The following SMARCAL1 variants were observed in gnomAD, a reference collection of about 807,000 sequenced individuals.
SMARCAL1 encodes SNF2 related chromatin remodeling annealing helicase 1, also known as ATP-driven annealing helicase.
In SMARCAL1, 58 loss-of-function variants were observed where a neutral mutation model predicts 94.5. That is an observed-to-expected ratio of 0.61 (90% CI 0.50 to 0.76). The LOEUF is 0.76. SMARCAL1 is among the 30% of genes least tolerant of loss of function. The pLI is 0.00. For synonymous variants in SMARCAL1, 422 were observed against 455.1 expected, an observed-to-expected ratio of 0.93 and a Z score of 0.93; for missense variants, 1,051 against 1,177.9, an observed-to-expected ratio of 0.89 and a Z score of 1.58.
At position 216,482,820 on chromosome 2, in the gene SMARCAL1, C is replaced by T; in HGVS notation, c.2708C>T (p.Ala903Val). The stretch of plus-strand genomic sequence containing the variant: ...AGTGATATGGAGCTCCTGGAAGCAG[C>T]AGAGTCCTTTGACCCAGGAAGTGCT... The part of the protein sequence containing the change: ...EGSDMELLEA[A>V]ESFDPGSASG... Residue 903 changes from alanine (A) to valine (V), a missense_variant, in exon 18 of 18, where the codon GCA (alanine) becomes GTA (valine). Ala to Val is a moderately conservative substitution (Grantham distance 64). Transcript: ENST00000357276. This position sits in a 1 kb window ranked among gnomAD's most constrained non-coding sequence, Gnocchi z 4.3. 1 of 1,614,160 alleles carries T rather than the reference C, an allele frequency of 6.2e-7. No homozygotes were observed. Among genetic ancestry groups the T allele is most frequent in the Non-Finnish European group, 8.5e-7 (1 of 1,180,018 alleles).
intron 14 of SMARCAL1, among the ~76,000 whole-genome samples, chr2:216,472,332 G>A (rs1031882318): frequency 5.3e-5 from 8 of 152,088 alleles, no homozygotes; most frequent in African/African-American, 1.9e-4. Context: ...TGCAGCCTGG[G>A]TGAGAGACAA....
At chr2:216,471,356 A>ATTT (rs200528251) in intron 14 of SMARCAL1, among the ~76,000 whole-genome samples, 1 of 143,236 alleles carries the variant, frequency 7.0e-6, no homozygotes, top group African/African-American at 2.6e-5. Flanking sequence ...CAGTGATTAA[A>ATTT]TTTTTTTTTT....
rs1695045487 is a variant in SMARCAL1, at chr2:216,475,248, T to G, written c.2245-21T>G. The G allele has an allele frequency of 6.2e-7, 1 of 1,613,720 alleles. No homozygotes were observed. The highest frequency in any genetic ancestry group is 1.3e-5 in the African/African-American group (1 of 74,942). On this transcript the variant is annotated intron_variant, in intron 14 of 17. Coordinates refer to ENST00000357276, the MANE Select transcript of SMARCAL1 (RefSeq NM_014140.4). This position sits in a 1 kb window ranked among gnomAD's most constrained non-coding sequence, Gnocchi z 4.4. The stretch of plus-strand genomic sequence containing the variant: ...CCCCCGGGGCTGTTGCCCACCTTGC[T>G]TCTGCCCCTTGTTCCTGCAGCACGT...
intron 7 of SMARCAL1, among the ~76,000 whole-genome samples, chr2:216,430,116 TGA>T (rs1693932734): frequency 6.6e-6 from 1 of 152,224 alleles, no homozygotes; most frequent in Admixed American, 6.5e-5. Flanking sequence ...CCATTACCCC[TGA>T]GAGAGGCTCT....
intron 8 of SMARCAL1, 35 bp downstream of exon 8, chr2:216,432,903 A>T (rs371794085): frequency 4.0e-5 from 65 of 1,613,518 alleles, no homozygotes; most frequent in Non-Finnish European, 5.3e-5. Flanking sequence ...TTCACAGAGA[A>T]GGTTTTCTTC....
At chr2:216,449,385 T>C (rs1694394676) in intron 11 of SMARCAL1, among the ~76,000 whole-genome samples, 1 of 84,522 alleles carries the variant, frequency 1.2e-5, no homozygotes, top group Non-Finnish European at 3.5e-5. Context: ...TGCCTTTTTT[T>C]TTTCTTTTTC....
chr2:216,423,635 G>A lies in SMARCAL1; in HGVS notation c.1099G>A (p.Val367Ile). The A allele has an allele frequency of 6.2e-7, 1 of 1,613,782 alleles. No individual in the cohort carries two copies. The highest frequency in any genetic ancestry group is 1.1e-5 in the South Asian group (1 of 91,076). ...FKQMDSRRYD[V>I]KTRKWSFLLE... Reference sequence around the variant, plus strand: ...TTATTTATTTCTTGTCATTGCAGATGTCAAGACCAGGAAGTGGAGCTTTCT... The same window carrying A: ...TTATTTATTTCTTGTCATTGCAGATATCAAGACCAGGAAGTGGAGCTTTCT... Residue 367 changes from valine (V) to isoleucine (I), a missense_variant and splice_region_variant, in exon 6 of 18, where the codon GTC becomes ATC. By Grantham distance (29) the Val-to-Ile change is conservative. Coordinates refer to ENST00000357276, the MANE Select transcript of SMARCAL1 (RefSeq NM_014140.4).
rs552379410 is a variant in SMARCAL1 at position 216,475,690 on chromosome 2, C to G, written c.2427+239C>G. ...AGTGCAGTGGCATGATCTTGGCTCA[C>G]TGCAACCTCCGCCTCCTGGGTTCAA... is the stretch of plus-strand genomic sequence containing the variant. On this transcript the variant is annotated intron_variant, in intron 15 of 17. Coordinates refer to ENST00000357276, the MANE Select transcript of SMARCAL1 (RefSeq NM_014140.4). The surrounding 1 kb of genome is among the most constrained non-coding windows in gnomAD (Gnocchi z 4.4). Among the ~76,000 whole-genome samples the G allele has an allele frequency of 2.0e-5, 3 of 152,060 alleles. No homozygotes were observed. Among genetic ancestry groups the G allele is most frequent in the South Asian group, 4.1e-4 (2 of 4,824 alleles).
In SMARCAL1 at chr2:216,420,261, T is replaced by C. The variant is rs773829204; in HGVS notation, c.863-38T>C. The C allele has an allele frequency of 1.2e-5, 18 of 1,544,494 alleles. No homozygotes were observed. The African/African-American group carries it at 2.3e-4, about 20-fold the overall frequency. On this transcript the variant is annotated intron_variant, in intron 4 of 17. Transcript: ENST00000357276. ...ATTTCAAAGCCACATCATAGTCCCC[T>C]GCTTTATCACTTCTGTTCGATTCTT...
At chr2:216,414,368 G>T (rs1693535813) in intron 2 of SMARCAL1, 1 of 320,802 alleles carries the variant, frequency 3.1e-6, no homozygotes, top group African/African-American at 2.2e-5. Context: ...TGTTGGCCAG[G>T]CTGGTCTCAA....
rs778786012 is a variant in SMARCAL1, at chr2:216,415,424, G to A, written c.720G>A (p.Lys240=). The A allele has an allele frequency of 6.2e-7, 1 of 1,614,144 alleles. No individual in the cohort carries two copies. Among genetic ancestry groups the A allele is most frequent in the Non-Finnish European group, 8.5e-7 (1 of 1,180,064 alleles). The part of the protein sequence containing the change: ...VQKGVNSQKG[K]CVRNGDRFQV... ...AAGGAGTGAACTCTCAGAAGGGAAA[G>A]TGCGTAAGGAACGGCGATCGTTTCC... The change falls in exon 3 of 18, where the codon AAG becomes AAA. Residue 240 remains lysine, a synonymous_variant. Transcript: ENST00000357276.
Position 216,482,597 on chromosome 2 carries a change from C to A in SMARCAL1, c.2626-141C>A. 1 of 1,170,378 alleles carries A rather than the reference C, an allele frequency of 8.5e-7. No individual in the cohort carries two copies. Among genetic ancestry groups the A allele is most frequent in the Non-Finnish European group, 1.3e-6 (1 of 789,522 alleles). 72.5% of individuals were successfully genotyped at this position (1,170,378 alleles called of 1,614,324 possible). ...AGTGATGGTTTGCTGAGATGATGCA[C>A]ACTTGCCATCGTGTAGCTCCCTGAC... On this transcript the variant is annotated intron_variant, in intron 17 of 17. Transcript: ENST00000357276. The surrounding 1 kb of genome is among the most constrained non-coding windows in gnomAD (Gnocchi z 4.3).
intron 14 of SMARCAL1, among the ~76,000 whole-genome samples, chr2:216,469,774 G>A (rs1694922319): frequency 6.6e-6 from 1 of 152,114 alleles, no homozygotes; most frequent in Admixed American, 6.6e-5. Context: ...TTATTAAATA[G>A]GTTCATCTTC....
At chr2:216,454,974 C>T (rs1318065375) in intron 12 of SMARCAL1, among the ~76,000 whole-genome samples, 1 of 152,252 alleles carries the variant, frequency 6.6e-6, no homozygotes, top group Non-Finnish European at 1.5e-5. Flanking sequence ...TGACAGATGG[C>T]ACCTGGAAAA....
intron 10 of SMARCAL1, among the ~76,000 whole-genome samples, chr2:216,440,832 G>T (rs531459326): frequency 1.3e-5 from 2 of 152,200 alleles, no homozygotes; most frequent in Admixed American, 1.3e-4. Flanking sequence ...AGCATCCGTG[G>T]CCTCTACCCA....
intron 12 of SMARCAL1, among the ~76,000 whole-genome samples, chr2:216,459,807 A>G (rs905968460): frequency 4.7e-4 from 72 of 152,164 alleles, no homozygotes; most frequent in African/African-American, 1.6e-3. Flanking sequence ...ACCAAAAGCA[A>G]TGGCAACAAA....
rs557945423 is a variant in SMARCAL1 at position 216,445,601 on chromosome 2, CTT to C, written c.1711-1414_1711-1413del. 9.0e-4 allele frequency among the ~76,000 whole-genome samples: 104 copies of C among 115,438 alleles called. No homozygotes were observed. In the South Asian group the frequency reaches 0.02, roughly 22 times the overall value. The allele number at this position is 115,438 out of a possible 152,430, so 75.7% of individuals were successfully genotyped here. ...GGGAGATTTTCTCTTTTTGATAAAA[CTT>C]TTCATTTTCCCCTTTTTCATTGAAA... On this transcript the variant is annotated intron_variant, in intron 10 of 17. Transcript: ENST00000357276.
intron 12 of SMARCAL1, among the ~76,000 whole-genome samples, chr2:216,462,704 G>A (rs929028025): frequency 6.6e-6 from 1 of 152,132 alleles, no homozygotes; most frequent in Non-Finnish European, 1.5e-5. Context: ...CTAAGAAGCT[G>A]GCCAGATGCA....
intron 7 of SMARCAL1, among the ~76,000 whole-genome samples, chr2:216,432,242 A>G (rs1354438839): frequency 6.6e-6 from 1 of 151,670 alleles, no homozygotes; most frequent in Non-Finnish European, 1.5e-5. Context: ...GATCCGCCCC[A>G]CTCAGCCTCT....
Sources: gnomAD v4.1 joint callset for allele counts (sites outside exome capture counted in the v4.1 genomes callset) on GRCh38, gnomAD v4.1.1 for gene constraint, Gnocchi (gnomAD v3.1) non-coding constraint, MANE v1.5 for transcripts, NCBI Gene and HGNC (gene_info 2026-07-23, HGNC 2026-07-21) for gene names.